WASF3: variants seen among roughly 807,000 people sequenced by gnomAD.
WASF3 encodes the protein WASP family member 3.
Under a neutral mutation model 46.6 loss-of-function variants are expected in WASF3, and 11 were observed. That is an observed-to-expected ratio of 0.24 (90% CI 0.15 to 0.39). The LOEUF (loss-of-function observed/expected upper bound fraction) is 0.39. WASF3 is among the 10% of genes least tolerant of loss of function. The probability of loss-of-function intolerance (pLI) is 1.00; values close to 1 mark genes in which losing one functional copy is unlikely to be tolerated. For missense variants in WASF3, 576 were observed against 669.8 expected, an observed-to-expected ratio of 0.86 and a Z score of 1.55; for synonymous variants, 242 against 259.7, an observed-to-expected ratio of 0.93 and a Z score of 0.65.
At chr13:26,638,433 C>T (rs1378966533) in intron 2 of WASF3, 2 of 152,196 alleles carry the variant, frequency 1.3e-5, no homozygotes, top group South Asian at 4.1e-4. Flanking sequence ...TATATAACCT[C>T]TAATAGTCCT....
chr13:26,642,187 T>C, intron 2 of WASF3, 74 bp from the exon 3 acceptor site: 2 of 1,432,756 alleles, frequency 1.4e-6, no homozygotes, highest in East Asian at 5.0e-5. Context: ...ATAGTCAATT[T>C]TCAAGGGAAT....
intron 4 of WASF3, among the ~76,000 whole-genome samples, chr13:26,667,035 T>G (rs759960885): frequency 5.9e-5 from 9 of 152,330 alleles, no homozygotes; most frequent in Non-Finnish European, 8.8e-5. Flanking sequence ...GTTGAAAAGC[T>G]TTGCCATTTG....
intron 5 of WASF3, 65 bp downstream of exon 5, chr13:26,667,735 C>A: frequency 6.8e-7 from 1 of 1,479,436 alleles, no homozygotes; most frequent in South Asian, 1.3e-5. Flanking sequence ...GAGCTGGGAG[C>A]AAGCTGATGC....
At chr13:26,567,698 T>TA (rs60469078) in intron 1 of WASF3, among the ~76,000 whole-genome samples, 306 of 145,520 alleles carry the variant, frequency 2.1e-3, no homozygotes, top group Admixed American at 9.5e-3. Context: ...TAAACGACAT[T>TA]AAAAAAAAAA....
intron 5 of WASF3, among the ~76,000 whole-genome samples, chr13:26,668,909 C>T (rs181725207): frequency 5.2e-4 from 79 of 152,290 alleles, no homozygotes; most frequent in East Asian, 1.2e-3. Context: ...GTTCAATAGG[C>T]ATTTTCCTGG....
chr13:26,637,323 T>C (rs1881858613), intron 2 of WASF3, among the ~76,000 whole-genome samples: 1 of 152,178 alleles, frequency 6.6e-6, no homozygotes, highest in South Asian at 2.1e-4. Context: ...AACAATATCA[T>C]AGGCATTCAT....
intron 7 of WASF3, 122 bp downstream of exon 7, chr13:26,676,846 T>A: frequency 1.1e-6 from 1 of 945,668 alleles, no homozygotes; most frequent in Non-Finnish European, 1.5e-6. Flanking sequence ...TGTCTTAAGA[T>A]TTTCCTTAAA....
At chr13:26,635,497 T>A (rs879624320) in intron 2 of WASF3, among the ~76,000 whole-genome samples, 2 of 152,232 alleles carry the variant, frequency 1.3e-5, no homozygotes, top group Non-Finnish European at 2.9e-5. Context: ...TGTCAACTCG[T>A]CAAAGTCATT....
chr13:26,568,177 T>G (rs1358156139), intron 1 of WASF3, among the ~76,000 whole-genome samples: 1 of 152,078 alleles, frequency 6.6e-6, no homozygotes, highest in Admixed American at 6.5e-5. Flanking sequence ...ATTGCAAAGT[T>G]TTGAGCAGGG....
the WASF3 span, among the ~76,000 whole-genome samples, chr13:26,541,117 T>C: frequency 6.6e-6 from 1 of 152,160 alleles, no homozygotes; most frequent in East Asian, 1.9e-4. Flanking sequence ...GAAAACAACT[T>C]TTAAAAGTTG....
chr13:26,674,371 A>C (rs1173477918), intron 6 of WASF3, among the ~76,000 whole-genome samples: 1 of 152,210 alleles, frequency 6.6e-6, no homozygotes, highest in Non-Finnish European at 1.5e-5. Context: ...ATCAGGATGC[A>C]TATTGGAATC....
chr13:26,604,954 G>C (rs1880749155), intron 1 of WASF3, among the ~76,000 whole-genome samples: 1 of 152,140 alleles, frequency 6.6e-6, no homozygotes, highest in Non-Finnish European at 1.5e-5. Context: ...TTCATAACTG[G>C]TGATCTTGTA....
At chr13:26,676,857 A>G in intron 7 of WASF3, 133 bp downstream of exon 7, 1 of 838,864 alleles carries the variant, frequency 1.2e-6, no homozygotes, top group African/African-American at 1.7e-5. Context: ...TTTCCTTAAA[A>G]ATTGTTTATC....
chr13:26,557,548 G>A (rs984652878), upstream of WASF3, among the ~76,000 whole-genome samples: 1 of 152,100 alleles, frequency 6.6e-6, no homozygotes. Flanking sequence ...GCGCTCGCCG[G>A]CTCCCTATTG....
intron 3 of WASF3, among the ~76,000 whole-genome samples, chr13:26,644,300 T>A (rs1419408009): frequency 6.6e-6 from 1 of 152,234 alleles, no homozygotes. Flanking sequence ...CATCCAGAAC[T>A]GTAGGATAGT....
upstream of WASF3, among the ~76,000 whole-genome samples, chr13:26,554,096 C>CTTCTTTCTTTCCTTCTTTCTTTCT (rs1879039599): frequency 2.2e-3 from 16 of 7,370 alleles, no homozygotes; most frequent in Non-Finnish European, 3.9e-3. Context: ...TCCTTCCTTC[C>CTTCTTTCTTTCCTTCTTTCTTTCT]TTCTTTCTTT....
chr13:26,572,294 C>T (rs1879661933), intron 1 of WASF3, among the ~76,000 whole-genome samples: 1 of 152,120 alleles, frequency 6.6e-6, no homozygotes, highest in Non-Finnish European at 1.5e-5. Flanking sequence ...GTAGAATTTG[C>T]CCTTTAGGAT....
In WASF3 at chr13:26,687,356, G is replaced by T. The variant is rs1759967726; in HGVS notation, c.*1511G>T. On this transcript the variant is annotated 3_prime_UTR_variant, in exon 10 of 10. Transcript: ENST00000335327. ...GCAGAGATGTTTGAGGTGACGGTAG[G>T]AATGTGAGCAGGATGGTGATGGGGG... 1 of 152,232 alleles carries T rather than the reference G, an allele frequency of 6.6e-6. No homozygotes were observed. Among genetic ancestry groups the T allele is most frequent in the African/African-American group, 2.4e-5 (1 of 41,450 alleles). 9.4% of individuals were successfully genotyped at this position (152,232 alleles called of 1,614,324 possible).
At chr13:26,553,699 C>A (rs1879017055), upstream of WASF3, among the ~76,000 whole-genome samples, 2 of 151,870 alleles carry the variant, frequency 1.3e-5, no homozygotes. Flanking sequence ...CGCCTGTAGT[C>A]CCAGCTACTT....
Sources: allele counts gnomAD v4.1 joint callset (sites outside exome capture counted in the v4.1 genomes callset), GRCh38; gene constraint gnomAD v4.1.1; transcripts MANE v1.5; gene names NCBI Gene and HGNC (gene_info 2026-07-23, HGNC 2026-07-21).